RXFP1: variants seen among roughly 807,000 people sequenced by gnomAD.
The protein encoded by RXFP1 is relaxin receptor 1.
RXFP1 carries 73 observed loss-of-function variants against 89.8 expected under a neutral mutation model. The observed-to-expected ratio is 0.81, with a 90% CI of 0.67 to 0.99. RXFP1 has a LOEUF of 0.99. Among genes scored for constraint, RXFP1 ranks in the 50% least tolerant of loss-of-function variants. The probability of loss-of-function intolerance (pLI) is 0.00; values close to 1 mark genes in which losing one functional copy is unlikely to be tolerated. For missense variants in RXFP1, 793 were observed against 895.5 expected (o/e 0.89, Z 1.46); for synonymous variants, 277 against 305.5 (o/e 0.91, Z 0.97).
intron 14 of RXFP1, among the ~76,000 whole-genome samples, chr4:158,644,562 G>A (rs1386427427): frequency 6.6e-6 from 1 of 152,194 alleles, no homozygotes; most frequent in Admixed American, 6.5e-5. Flanking sequence ...AATAGGAGCT[G>A]TGTAACTGCA....
At chr4:158,633,309 T>C in intron 11 of RXFP1, 96 bp from the exon 12 acceptor site, 1 of 751,768 alleles carries the variant, frequency 1.3e-6, no homozygotes, top group Non-Finnish European at 2.3e-6. Flanking sequence ...ACCAATGGCA[T>C]TGTTGAAAAG....
intron 11 of RXFP1, 123 bp downstream of exon 11, chr4:158,628,832 A>C: frequency 2.1e-6 from 1 of 467,664 alleles, no homozygotes; most frequent in South Asian, 5.1e-5. Flanking sequence ...CATTATTTAC[A>C]TATATACACC....
chr4:158,585,676 A>AG (rs1202118302), intron 2 of RXFP1, among the ~76,000 whole-genome samples: 2 of 152,246 alleles, frequency 1.3e-5, no homozygotes, highest in Admixed American at 6.5e-5. Flanking sequence ...GGATGATAAA[A>AG]GAAAAAAAAA....
At chr4:158,579,847 G>A (rs1355822219) in intron 2 of RXFP1, among the ~76,000 whole-genome samples, 1 of 152,192 alleles carries the variant, frequency 6.6e-6, no homozygotes, top group Non-Finnish European at 1.5e-5. Flanking sequence ...GCAGTTCTGG[G>A]TTGTGCTAAA....
At chr4:158,596,989 T>C (rs964446527) in intron 3 of RXFP1, among the ~76,000 whole-genome samples, 1 of 152,136 alleles carries the variant, frequency 6.6e-6, no homozygotes, top group East Asian at 1.9e-4. Context: ...AAAAAAGTAA[T>C]TTTTTTCATC....
chr4:158,533,180 GA>G (rs1744475625), intron 1 of RXFP1, among the ~76,000 whole-genome samples: 1 of 152,104 alleles, frequency 6.6e-6, no homozygotes, highest in African/African-American at 2.4e-5. Flanking sequence ...TAAAAAGAAA[GA>G]AAAAATATTA....
chr4:158,558,287 C>T (rs775667247), intron 1 of RXFP1, among the ~76,000 whole-genome samples: 2 of 152,150 alleles, frequency 1.3e-5, no homozygotes, highest in Non-Finnish European at 2.9e-5. Context: ...CACACACAGC[C>T]GGGAGGAACA....
At chr4:158,628,182 C>T (rs936889540) in intron 10 of RXFP1, among the ~76,000 whole-genome samples, 1 of 152,178 alleles carries the variant, frequency 6.6e-6, no homozygotes, top group African/African-American at 2.4e-5. Flanking sequence ...ATTAGAGATT[C>T]TTCTAAAGGG....
rs545497608 is a variant in RXFP1 at position 158,535,818 on chromosome 4, T to C, written c.49+13793T>C. On this transcript the variant is annotated intron_variant, in intron 1 of 17. Coordinates refer to ENST00000307765, the MANE Select transcript of RXFP1 (RefSeq NM_021634.4). ...CATAAATATCCAACTATTATCTCTA[T>C]TTCTCATTCTTAAGAGTTTGATCTA... is the stretch of plus-strand genomic sequence containing the variant. Among the ~76,000 whole-genome samples the C allele has an allele frequency of 1.4e-4, 21 of 152,380 alleles. No homozygotes were observed. The South Asian group carries it at 3.7e-3, about 27-fold the overall frequency.
chr4:158,633,406 G>A lies in RXFP1; in HGVS notation c.901G>A (p.Asp301Asn). ...FAPLQKLDEL[D>N]LGSNKIENLP... The stretch of plus-strand genomic sequence containing the variant: ...ACATATTTGCAATTATTTCTCCAGG[G>A]ATTTAGGAAGTAATAAGATTGAAAA... The change falls in exon 12 of 18, where the codon GAT becomes AAT. Residue 301 changes from aspartate (D) to asparagine (N), a missense_variant and splice_region_variant. Transcript: ENST00000307765. 1.9e-6 allele frequency: 3 copies of A among 1,568,090 alleles called. No homozygotes were observed. The highest frequency in any genetic ancestry group is 2.6e-6 in the Non-Finnish European group (3 of 1,140,860).
intron 6 of RXFP1, among the ~76,000 whole-genome samples, chr4:158,611,298 TGA>T (rs1763534006): frequency 6.6e-6 from 1 of 152,122 alleles, no homozygotes; most frequent in Non-Finnish European, 1.5e-5. Flanking sequence ...CTAGAGAGAT[TGA>T]GACATGAGTG....
intron 14 of RXFP1, 36 bp downstream of exon 14, chr4:158,639,367 T>G: frequency 8.7e-7 from 1 of 1,143,450 alleles, no homozygotes. Context: ...ACTGTGATGT[T>G]AATATTTGTT....
intron 1 of RXFP1, among the ~76,000 whole-genome samples, chr4:158,559,132 G>A (rs1017586393): frequency 1.3e-5 from 2 of 152,028 alleles, no homozygotes; most frequent in African/African-American, 4.8e-5. Flanking sequence ...TTTTTAGTTT[G>A]AAATGTATTT....
At chr4:158,578,200 A>G (rs1003742266) in intron 2 of RXFP1, among the ~76,000 whole-genome samples, 1 of 152,186 alleles carries the variant, frequency 6.6e-6, no homozygotes, top group African/African-American at 2.4e-5. Context: ...GAGTTATGCA[A>G]TTTTATATCA....
intron 1 of RXFP1, among the ~76,000 whole-genome samples, chr4:158,571,392 C>T (rs1755027934): frequency 6.6e-6 from 1 of 152,154 alleles, no homozygotes. Context: ...AGAGGCTGGG[C>T]GCGGTGGCTC....
rs58856633 is a variant in RXFP1 at position 158,541,350 on chromosome 4, G to GCACACACACACACACACACACACA, written c.49+19334_49+19357dup. Among the ~76,000 whole-genome samples, 223 of 139,872 alleles carry GCACACACACACACACACACACACA rather than the reference G, an allele frequency of 1.6e-3. 1 individual carries two copies. Among genetic ancestry groups the GCACACACACACACACACACACACA allele is most frequent in the African/African-American group, 5.0e-3 (185 of 37,362 alleles). 91.8% of individuals were successfully genotyped at this position (139,872 alleles called of 152,430 possible). ...ACCCAGAATTCTCAGAGAGCTTCAT[G>GCACACACACACACACACACACACA]CACACACACACACACACACACACAC... On this transcript the variant is annotated intron_variant, in intron 1 of 17. Coordinates refer to ENST00000307765, the MANE Select transcript of RXFP1 (RefSeq NM_021634.4).
intron 2 of RXFP1, among the ~76,000 whole-genome samples, chr4:158,584,095 G>C (rs139638639): frequency 6.6e-6 from 1 of 152,096 alleles, no homozygotes; most frequent in Non-Finnish European, 1.5e-5. Context: ...CACTGTGTTC[G>C]AAGAATGAGT....
intron 2 of RXFP1, among the ~76,000 whole-genome samples, chr4:158,589,922 T>G (rs929227993): frequency 3.3e-5 from 5 of 151,918 alleles, no homozygotes; most frequent in African/African-American, 9.7e-5. Flanking sequence ...CATAGTGGTA[T>G]GCATCTATAG....
At chr4:158,583,816 C>G (rs1757811699) in intron 2 of RXFP1, among the ~76,000 whole-genome samples, 1 of 152,174 alleles carries the variant, frequency 6.6e-6, no homozygotes, top group Non-Finnish European at 1.5e-5. Flanking sequence ...TTGTTAGTGG[C>G]CTCAATTTCC....
Sources: allele counts gnomAD v4.1 joint callset (sites outside exome capture counted in the v4.1 genomes callset), GRCh38; gene constraint gnomAD v4.1.1; transcripts MANE v1.5; gene names NCBI Gene and HGNC (gene_info 2026-07-23, HGNC 2026-07-21).